Variants in SNX9 observed in about 807,000 individuals in gnomAD.
The protein encoded by SNX9 is sorting nexin-9.
In SNX9, 44 loss-of-function variants were observed where a neutral mutation model predicts 89.4. The ratio of observed to expected loss-of-function variants is 0.49; its 90% CI spans 0.39 to 0.63. The LOEUF is 0.63. Among genes scored for constraint, SNX9 ranks in the 30% least tolerant of loss-of-function variants. The probability of loss-of-function intolerance (pLI) is 0.00; values close to 1 mark genes in which losing one functional copy is unlikely to be tolerated. For missense variants in SNX9, 578 were observed against 736.1 expected, an observed-to-expected ratio of 0.79 and a Z score of 2.49; for synonymous variants, 236 against 247.8, an observed-to-expected ratio of 0.95 and a Z score of 0.45.
chr6:157,870,123 G>A (rs1782364782), intron 2 of SNX9, among the ~76,000 whole-genome samples: 1 of 146,424 alleles, frequency 6.8e-6, no homozygotes, highest in Non-Finnish European at 1.5e-5. Context: ...ACATACACCT[G>A]CACTCACACA....
chr6:157,900,996 C>T (rs1033426740), intron 5 of SNX9, among the ~76,000 whole-genome samples: 5 of 152,136 alleles, frequency 3.3e-5, no homozygotes, highest in African/African-American at 1.2e-4. Context: ...GACGGTGCCC[C>T]CATGTGTCTG....
At chr6:157,840,631 T>G (rs1379770788) in intron 1 of SNX9, among the ~76,000 whole-genome samples, 1 of 152,156 alleles carries the variant, frequency 6.6e-6, no homozygotes, top group Admixed American at 6.5e-5. Context: ...CTTAATTGAT[T>G]GTATCTTATT....
intron 1 of SNX9, among the ~76,000 whole-genome samples, chr6:157,848,712 C>G (rs565177150): frequency 6.6e-6 from 1 of 152,166 alleles, no homozygotes; most frequent in African/African-American, 2.4e-5. Flanking sequence ...CTGAGCAGGA[C>G]TGACAGGGAG....
chr6:157,927,244 C>T, intron 11 of SNX9, 30 bp downstream of exon 11: 2 of 1,490,704 alleles, frequency 1.3e-6, no homozygotes, highest in South Asian at 2.3e-5. Flanking sequence ...TTTCTTTCTT[C>T]TCAATCCGCA....
intron 1 of SNX9, among the ~76,000 whole-genome samples, chr6:157,832,785 G>A (rs999762832): frequency 6.6e-6 from 1 of 152,162 alleles, no homozygotes; most frequent in Admixed American, 6.5e-5. Flanking sequence ...CCCACCAGGT[G>A]CCTCCCACAA....
intron 1 of SNX9, among the ~76,000 whole-genome samples, chr6:157,826,474 T>G (rs1400007320): frequency 6.9e-6 from 1 of 144,574 alleles, no homozygotes; most frequent in Admixed American, 7.2e-5. Flanking sequence ...CACTCCAGCC[T>G]GGGTGACAGA....
intron 10 of SNX9, among the ~76,000 whole-genome samples, chr6:157,925,124 A>G (rs6913268): frequency 0.012 from 1,833 of 152,332 alleles, 41 homozygotes; most frequent in African/African-American, 0.042. Context: ...CTTGCAACAT[A>G]TATAAGCAAT....
chr6:157,828,810 C>T (rs544006263), intron 1 of SNX9, among the ~76,000 whole-genome samples: 1 of 152,234 alleles, frequency 6.6e-6, no homozygotes, highest in East Asian at 1.9e-4. Context: ...GCATCACTTC[C>T]CCGGGAAAGC....
At chr6:157,906,509 A>G (rs1783220320) in intron 7 of SNX9, among the ~76,000 whole-genome samples, 1 of 152,214 alleles carries the variant, frequency 6.6e-6, no homozygotes, top group Non-Finnish European at 1.5e-5. Flanking sequence ...TTTTTCTGCC[A>G]GCCCTATATG....
intron 1 of SNX9, among the ~76,000 whole-genome samples, chr6:157,831,534 C>T (rs1280682013): frequency 6.6e-6 from 1 of 152,180 alleles, no homozygotes; most frequent in East Asian, 1.9e-4. Context: ...TTTGGAGTCC[C>T]AGCTTGTAGC....
At chr6:157,922,542 C>T (rs1290308203) in intron 10 of SNX9, among the ~76,000 whole-genome samples, 3 of 152,202 alleles carry the variant, frequency 2.0e-5, no homozygotes, top group African/African-American at 7.2e-5. Context: ...GTAATTTTCA[C>T]TTGTTGAAGT....
At chr6:157,832,256 A>G (rs940002152) in intron 1 of SNX9, among the ~76,000 whole-genome samples, 8 of 152,324 alleles carry the variant, frequency 5.3e-5, no homozygotes, top group African/African-American at 1.9e-4. Flanking sequence ...AACTTTAGGG[A>G]TAAATTAAAG....
At chr6:157,915,803 C>T (rs144601304) in intron 9 of SNX9, among the ~76,000 whole-genome samples, 4,154 of 124,330 alleles carry the variant, frequency 0.033, 225 homozygotes, top group African/African-American at 0.12. Context: ...CCAGTCTGGG[C>T]GACAGAGTTA....
At position 157,827,660 on chromosome 6, in the gene SNX9, T is replaced by C. The variant is rs191857404; in HGVS notation, c.12+4214T>C. On this transcript the variant is annotated intron_variant, in intron 1 of 17. Coordinates refer to ENST00000392185, the MANE Select transcript of SNX9 (RefSeq NM_016224.5). The stretch of plus-strand genomic sequence containing the variant: ...TCCTGTTTTATTTAAAAGATCAAGT[T>C]CTGGAAAAGAAATGAAGAATTTTTT... Among the ~76,000 whole-genome samples the C allele has an allele frequency of 1.8e-3, 259 of 145,822 alleles. 3 individuals are homozygous for C. The highest frequency in any genetic ancestry group is 6.5e-3 in the African/African-American group (250 of 38,326).
rs763197001 is a variant in SNX9, at chr6:157,921,544, G to A, written c.963G>A (p.Glu321=). ...TGTCGCTTGCAGGCCGCTTTGAAGA[G>A]GAATTTATCAAAATGCGCATGGAGA... ...PDKQVTGRFE[E]EFIKMRMERL... is the part of the protein sequence containing the mutation. The change falls in exon 10 of 18, where the codon GAG becomes GAA. Residue 321 remains glutamate (E), a synonymous_variant. Coordinates refer to ENST00000392185, the MANE Select transcript of SNX9 (RefSeq NM_016224.5). 1.1e-5 allele frequency: 18 copies of A among 1,613,298 alleles called. No individual in the cohort carries two copies. Among genetic ancestry groups the A allele is most frequent in the Non-Finnish European group, 1.4e-5 (16 of 1,179,560 alleles).
rs532691813 is a variant in SNX9 at position 157,942,684 on chromosome 6, A to G, written c.1741-107A>G. 56 of 1,216,212 alleles carry G rather than the reference A, an allele frequency of 4.6e-5. 1 individual carries two copies. The South Asian group carries it at 7.3e-4, about 16-fold the overall frequency. The allele number at this position is 1,216,212 out of a possible 1,614,324, so 75.3% of individuals were successfully genotyped here. A position where few individuals can be genotyped will look rare whatever the true frequency, so the allele number is the denominator to read the frequency against. On this transcript the variant is annotated intron_variant, in intron 17 of 17. Transcript: ENST00000392185. ...TGGTGCCAAAAAGACCAGTTAAAGA[A>G]TTGGAATTTGTGTCATGTTTAACTT...
chr6:157,941,094 G>C, intron 17 of SNX9, 120 bp downstream of exon 17: 1 of 864,910 alleles, frequency 1.2e-6, no homozygotes. Context: ...AACCAAAGGA[G>C]CCTAAATTTT....
At chr6:157,847,331 G>A (rs1466253412) in intron 1 of SNX9, among the ~76,000 whole-genome samples, 2 of 151,998 alleles carry the variant, frequency 1.3e-5, no homozygotes, top group Admixed American at 6.6e-5. Context: ...TTGAACTCCT[G>A]AGCTCAAGCG....
intron 4 of SNX9, among the ~76,000 whole-genome samples, chr6:157,894,328 T>G (rs796806022): frequency 1.6e-4 from 25 of 151,552 alleles, no homozygotes; most frequent in African/African-American, 5.8e-4. Flanking sequence ...CAGGCTGATC[T>G]CAAACTCCTG....
Sources: gnomAD v4.1 joint callset for allele counts (sites outside exome capture counted in the v4.1 genomes callset) on GRCh38, gnomAD v4.1.1 for gene constraint, MANE v1.5 for transcripts, NCBI Gene and HGNC (gene_info 2026-07-23, HGNC 2026-07-21) for gene names.